The following TTC6 variants were observed in gnomAD, a reference collection of about 807,000 sequenced individuals.
The protein encoded by TTC6 is tetratricopeptide repeat protein 6.
In TTC6, 172 loss-of-function variants were observed where a neutral mutation model predicts 210.4. The ratio of observed to expected loss-of-function variants is 0.82; its 90% confidence interval spans 0.72 to 0.93. The LOEUF (loss-of-function observed/expected upper bound fraction) is 0.93, where lower values mean the gene tolerates loss of function less well. TTC6 is among the 40% of genes least tolerant of loss of function. The probability of loss-of-function intolerance (pLI) is 0.00; values close to 1 mark genes in which losing one functional copy is unlikely to be tolerated. For missense variants in TTC6, 2,414 were observed against 2,318.1 expected (o/e 1.04, Z -0.85); for synonymous variants, 804 against 819.6 (o/e 0.98, Z 0.32).
intron 1 of TTC6, among the ~76,000 whole-genome samples, chr14:37,627,190 C>T (rs1325448222): frequency 6.6e-6 from 1 of 152,140 alleles, no homozygotes; most frequent in African/African-American, 2.4e-5. Context: ...GAGGCCTCCC[C>T]AGAAGGCGAT....
At chr14:37,650,040 G>A (rs1426306990) in intron 1 of TTC6, among the ~76,000 whole-genome samples, 1 of 152,190 alleles carries the variant, frequency 6.6e-6, no homozygotes, top group Non-Finnish European at 1.5e-5. Context: ...GGACAAGTAA[G>A]CTTTCTTTCA....
At chr14:37,680,545 G>T (rs1467522098) in intron 2 of TTC6, among the ~76,000 whole-genome samples, 1 of 152,090 alleles carries the variant, frequency 6.6e-6, no homozygotes, top group African/African-American at 2.4e-5. Flanking sequence ...AAGGTAGGTG[G>T]ATAATTAATT....
intron 1 of TTC6, among the ~76,000 whole-genome samples, chr14:37,634,930 CT>C (rs776663508): frequency 5.9e-5 from 9 of 151,518 alleles, no homozygotes; most frequent in African/African-American, 1.5e-4. Context: ...TAAAGTAGGA[CT>C]TTTTTTTTCC....
intron 1 of TTC6, among the ~76,000 whole-genome samples, chr14:37,673,891 A>C (rs995699481): frequency 2.0e-5 from 3 of 152,182 alleles, no homozygotes; most frequent in African/African-American, 7.2e-5. Context: ...TTACAGATTT[A>C]TAAATTTTCA....
At chr14:37,724,458 T>C (rs2095867711) in intron 6 of TTC6, among the ~76,000 whole-genome samples, 1 of 152,226 alleles carries the variant, frequency 6.6e-6, no homozygotes, top group Admixed American at 6.5e-5. Flanking sequence ...GTGTGTTTTA[T>C]AGTGTTTATG....
At chr14:37,741,150 T>A (rs922539516) in intron 10 of TTC6, among the ~76,000 whole-genome samples, 4 of 152,080 alleles carry the variant, frequency 2.6e-5, no homozygotes, top group African/African-American at 7.2e-5. Context: ...CCTACCTTTT[T>A]AAAAAAATCT....
At chr14:37,701,585 G>C in intron 5 of TTC6, 59 bp downstream of exon 7, 5 of 1,341,004 alleles carry the variant, frequency 3.7e-6, no homozygotes, top group Non-Finnish European at 4.9e-6. Flanking sequence ...TATAAATCCT[G>C]CCTTTTGAGT....
chr14:37,765,034 T>A (rs1331485404), intron 14 of TTC6, among the ~76,000 whole-genome samples: 1 of 152,084 alleles, frequency 6.6e-6, no homozygotes, highest in Non-Finnish European at 1.5e-5. Context: ...TGAATAATGA[T>A]GTTAATTTAT....
At position 37,749,624 on chromosome 14, in the gene TTC6, C is replaced by T. The variant is rs577979724; in HGVS notation, c.2827-90C>T. ...TTTATGTTACGTACATACAAAGCCACTGGGATCAACCGTGTTTTAAAAATT... is the reference window on the plus strand; with the variant it reads ...TTTATGTTACGTACATACAAAGCCATTGGGATCAACCGTGTTTTAAAAATT... On this transcript the variant is annotated intron_variant, in intron 11 of 30. Transcript: ENST00000553443. 3.7e-4 allele frequency: 405 copies of T among 1,080,096 alleles called. 2 individuals carry two copies. In the African/African-American group the frequency reaches 6.2e-3, roughly 17 times the overall value. The allele number at this position is 1,080,096 out of a possible 1,614,324, so 66.9% of individuals were successfully genotyped here. A position where few individuals can be genotyped will look rare whatever the true frequency, so the allele number is the denominator to read the frequency against.
intron 10 of TTC6, among the ~76,000 whole-genome samples, chr14:37,744,424 T>C (rs1438797594): frequency 6.6e-6 from 1 of 152,130 alleles, no homozygotes; most frequent in African/African-American, 2.4e-5. Flanking sequence ...GGTAGTGATA[T>C]TTGAGCGTAG....
At chr14:37,663,473 T>C (rs984285879) in intron 1 of TTC6, among the ~76,000 whole-genome samples, 1 of 152,212 alleles carries the variant, frequency 6.6e-6, no homozygotes, top group Non-Finnish European at 1.5e-5. Context: ...TCAATCATTG[T>C]ATTGCACAGT....
chr14:37,759,893 G>C (rs2095978901), intron 14 of TTC6, among the ~76,000 whole-genome samples: 1 of 152,116 alleles, frequency 6.6e-6, no homozygotes. Context: ...CTAGTTAGCA[G>C]TTCCTGTTAA....
chr14:37,742,199 G>A (rs193133353), intron 10 of TTC6, among the ~76,000 whole-genome samples: 11 of 152,198 alleles, frequency 7.2e-5, no homozygotes, highest in Admixed American at 3.9e-4. Context: ...GCATCTTCTT[G>A]TGCCCCTTTC....
intron 1 of TTC6, among the ~76,000 whole-genome samples, chr14:37,626,972 G>C (rs1424974119): frequency 6.6e-6 from 1 of 152,164 alleles, no homozygotes; most frequent in Admixed American, 6.6e-5. Context: ...TTAATCCTCA[G>C]TGCTGCAGGT....
intron 3 of TTC6, among the ~76,000 whole-genome samples, chr14:37,691,254 C>T (rs923235786): frequency 3.3e-5 from 5 of 152,154 alleles, no homozygotes; most frequent in Admixed American, 1.3e-4. Flanking sequence ...TGTTTGAAAC[C>T]GGCAGTTGGA....
intron 14 of TTC6, among the ~76,000 whole-genome samples, chr14:37,760,412 C>G (rs1305071171): frequency 6.6e-6 from 1 of 152,200 alleles, no homozygotes; most frequent in African/African-American, 2.4e-5. Flanking sequence ...CCAGCCAGAG[C>G]TCTCCTGTAT....
At chr14:37,800,973 A>G (rs1312265878) in intron 20 of TTC6, among the ~76,000 whole-genome samples, 1 of 152,208 alleles carries the variant, frequency 6.6e-6, no homozygotes, top group Non-Finnish European at 1.5e-5. Flanking sequence ...CAAGACTAGG[A>G]ACCCACAGGA....
chr14:37,728,651 T>C (rs2095878636), intron 7 of TTC6, among the ~76,000 whole-genome samples: 1 of 152,194 alleles, frequency 6.6e-6, no homozygotes, highest in Non-Finnish European at 1.5e-5. Context: ...TGTTTTGTTT[T>C]AGAGGTGCTA....
intron 1 of TTC6, among the ~76,000 whole-genome samples, chr14:37,601,241 C>T (rs2095615046): frequency 6.6e-6 from 1 of 152,196 alleles, no homozygotes; most frequent in South Asian, 2.1e-4. Context: ...CTCTGGATGC[C>T]TTGCCAGGTT....
Sources: allele counts gnomAD v4.1 joint callset (sites outside exome capture counted in the v4.1 genomes callset), GRCh38; gene constraint gnomAD v4.1.1; transcripts MANE v1.5; gene names NCBI Gene and HGNC (gene_info 2026-07-23, HGNC 2026-07-21).